PPARGC1A: variants seen among roughly 807,000 people sequenced by gnomAD.
The protein encoded by PPARGC1A is peroxisome proliferator-activated receptor gamma coactivator 1-alpha.
Under a neutral mutation model 88.7 loss-of-function variants are expected in PPARGC1A, and 25 were observed. The observed-to-expected ratio is 0.28, with a 90% CI of 0.21 to 0.39. PPARGC1A has a LOEUF of 0.39. Among genes scored for constraint, PPARGC1A ranks in the 10% least tolerant of loss-of-function variants. PPARGC1A has a pLI of 1.00. For missense variants in PPARGC1A, 880 were observed against 968.7 expected, an observed-to-expected ratio of 0.91 and a Z score of 1.22; for synonymous variants, 363 against 355.6, an observed-to-expected ratio of 1.02 and a Z score of -0.24.
At chr4:24,263,454 T>TACACACACACAC in the PPARGC1A span, among the ~76,000 whole-genome samples, 2 of 35,638 alleles carry the variant, frequency 5.6e-5, no homozygotes, top group African/African-American at 2.7e-4. Flanking sequence ...CATGTGGGTG[T>TACACACACACAC]ATACACACAC....
the PPARGC1A span, among the ~76,000 whole-genome samples, chr4:23,966,963 G>T: frequency 6.6e-6 from 1 of 152,162 alleles, no homozygotes; most frequent in Non-Finnish European, 1.5e-5. Flanking sequence ...TTCTTCATGT[G>T]TGAGTACAGG....
the PPARGC1A span, among the ~76,000 whole-genome samples, chr4:24,110,988 A>T: frequency 6.6e-6 from 1 of 152,146 alleles, no homozygotes; most frequent in Non-Finnish European, 1.5e-5. Flanking sequence ...ATACTGTTTT[A>T]TTTCACACTG....
At chr4:24,296,235 T>C in the PPARGC1A span, among the ~76,000 whole-genome samples, 4 of 150,972 alleles carry the variant, frequency 2.6e-5, no homozygotes, top group South Asian at 8.3e-4. Flanking sequence ...ATATATAGGG[T>C]ATCCAGTTGA....
the PPARGC1A span, among the ~76,000 whole-genome samples, chr4:24,054,522 G>T: frequency 6.6e-6 from 1 of 152,124 alleles, no homozygotes; most frequent in African/African-American, 2.4e-5. Flanking sequence ...AATCTTATTT[G>T]TAGCCTGGAA....
the PPARGC1A span, among the ~76,000 whole-genome samples, chr4:24,301,293 G>A: frequency 6.6e-6 from 1 of 152,114 alleles, no homozygotes; most frequent in African/African-American, 2.4e-5. Flanking sequence ...AACCATCCAA[G>A]TCCAGGGTTA....
the PPARGC1A span, among the ~76,000 whole-genome samples, chr4:24,269,918 A>G: frequency 6.6e-6 from 1 of 152,192 alleles, no homozygotes; most frequent in Admixed American, 6.5e-5. Flanking sequence ...TAACTATGAG[A>G]TAATACATGT....
the PPARGC1A span, among the ~76,000 whole-genome samples, chr4:23,996,277 G>T: frequency 6.6e-6 from 1 of 152,298 alleles, no homozygotes; most frequent in Non-Finnish European, 1.5e-5. Flanking sequence ...AAGTCACATG[G>T]AAATTGAGGA....
At chr4:24,350,227 G>A in the PPARGC1A span, among the ~76,000 whole-genome samples, 4 of 152,100 alleles carry the variant, frequency 2.6e-5, no homozygotes, top group African/African-American at 9.7e-5. Flanking sequence ...TCTTGCAGTC[G>A]ATCTAGAGCT....
the PPARGC1A span, among the ~76,000 whole-genome samples, chr4:24,288,840 G>C: frequency 6.6e-6 from 1 of 152,150 alleles, no homozygotes; most frequent in Non-Finnish European, 1.5e-5. Context: ...TTAGAGAGAC[G>C]ACTGCAAATA....
the PPARGC1A span, among the ~76,000 whole-genome samples, chr4:24,363,511 A>T: frequency 6.6e-6 from 1 of 152,164 alleles, no homozygotes; most frequent in Non-Finnish European, 1.5e-5. Flanking sequence ...CTAAATATTC[A>T]CTTAGTGCCA....
chr4:23,805,597 G>A (rs184249921), intron 10 of PPARGC1A, among the ~76,000 whole-genome samples: 5 of 152,228 alleles, frequency 3.3e-5, no homozygotes, highest in Admixed American at 1.3e-4. Context: ...CCAGACCATC[G>A]ATACACACTT....
chr4:23,802,073 A>C, intron 11 of PPARGC1A, 151 bp downstream of exon 11: 1 of 1,293,702 alleles, frequency 7.7e-7, no homozygotes, highest in Non-Finnish European at 1.1e-6. Flanking sequence ...AAGATTAATA[A>C]ACAGGGATGA....
At chr4:24,301,048 G>GA in the PPARGC1A span, among the ~76,000 whole-genome samples, 37 of 148,594 alleles carry the variant, frequency 2.5e-4, no homozygotes, top group East Asian at 9.8e-4. Context: ...TAAAGAGAAG[G>GA]AAAAAAAAAA....
chr4:23,966,814 C>A, the PPARGC1A span, among the ~76,000 whole-genome samples: 2 of 152,154 alleles, frequency 1.3e-5, no homozygotes, highest in Non-Finnish European at 2.9e-5. Context: ...ATTACAGCAA[C>A]CTGTGTATGA....
the PPARGC1A span, among the ~76,000 whole-genome samples, chr4:23,912,088 G>T: frequency 6.6e-6 from 1 of 152,198 alleles, no homozygotes; most frequent in Non-Finnish European, 1.5e-5. Context: ...TTTAAGTGGG[G>T]AAATTTTTTA....
chr4:23,815,803 A>C (rs1185134535), intron 7 of PPARGC1A, among the ~76,000 whole-genome samples: 2 of 152,294 alleles, frequency 1.3e-5, no homozygotes, highest in South Asian at 4.1e-4. Flanking sequence ...AGGCGGGGTG[A>C]ATACCATTCA....
At chr4:24,402,088 G>C in the PPARGC1A span, among the ~76,000 whole-genome samples, 1 of 152,176 alleles carries the variant, frequency 6.6e-6, no homozygotes, top group African/African-American at 2.4e-5. Flanking sequence ...GGGAAGCGCT[G>C]CTGAATAGAA....
At chr4:24,319,927 C>G in the PPARGC1A span, among the ~76,000 whole-genome samples, 2 of 152,108 alleles carry the variant, frequency 1.3e-5, no homozygotes, top group Non-Finnish European at 2.9e-5. Context: ...GCTCAAAAAG[C>G]TGGCTCATTA....
At chr4:24,378,564 A>G in the PPARGC1A span, among the ~76,000 whole-genome samples, 2 of 152,238 alleles carry the variant, frequency 1.3e-5, no homozygotes, top group Non-Finnish European at 2.9e-5. Flanking sequence ...AAATACTCCA[A>G]GAATAATCTA....
Sources: gnomAD v4.1 joint callset for allele counts (sites outside exome capture counted in the v4.1 genomes callset) on GRCh38, gnomAD v4.1.1 for gene constraint, MANE v1.5 for transcripts, NCBI Gene and HGNC (gene_info 2026-07-23, HGNC 2026-07-21) for gene names.